Variants in EYS observed in about 807,000 individuals in gnomAD.
EYS encodes EGF-like photoreceptor maintenance factor.
A neutral mutation model predicts 282.1 loss-of-function variants in EYS; 250 were observed. That is an observed-to-expected ratio of 0.89 (90% CI 0.80 to 0.98). The LOEUF (loss-of-function observed/expected upper bound fraction) is 0.98. Among genes scored for constraint, EYS ranks in the 50% least tolerant of loss-of-function variants. The pLI, the probability that EYS is intolerant of heterozygous loss-of-function variation, is 0.00. For synonymous variants in EYS, 1,355 were observed against 1,282.9 expected, an observed-to-expected ratio of 1.06 and a Z score of -1.20; for missense variants, 4,016 against 3,709.0, an observed-to-expected ratio of 1.08 and a Z score of -2.15.
rs541033588 is a variant in EYS, at chr6:65,460,625, A to G, written c.862+29969T>C. The stretch of plus-strand genomic sequence containing the variant: ...TCATGCTGACGTAGAGCCAAAAGCC[A>G]GCTTTAGTTTACTCAGCCTTCCTTT... On this transcript the variant is annotated intron_variant, in intron 5 of 42. Coordinates refer to ENST00000503581, the MANE Select transcript of EYS (RefSeq NM_001142800.2). 5.6e-4 allele frequency among the ~76,000 whole-genome samples: 85 copies of G among 152,234 alleles called. 1 individual carries two copies. Among genetic ancestry groups the G allele is most frequent in the Middle Eastern group, 3.4e-3 (1 of 294 alleles).
chr6:64,374,301 A>G (rs1257082698), intron 29 of EYS, among the ~76,000 whole-genome samples: 4 of 152,032 alleles, frequency 2.6e-5, no homozygotes, highest in African/African-American at 9.6e-5. Context: ...GGTCTATGGC[A>G]CCAGTGCTGG....
At chr6:65,250,399 C>T (rs1767290814) in intron 12 of EYS, among the ~76,000 whole-genome samples, 2 of 152,016 alleles carry the variant, frequency 1.3e-5, no homozygotes, top group South Asian at 2.1e-4. Context: ...GAGACACTAT[C>T]AGTTGGTATT....
intron 36 of EYS, among the ~76,000 whole-genome samples, chr6:63,825,565 C>T (rs971536115): frequency 6.6e-6 from 1 of 152,186 alleles, no homozygotes; most frequent in African/African-American, 2.4e-5. Flanking sequence ...GTTCACATTA[C>T]AGGAATCTAT....
intron 35 of EYS, among the ~76,000 whole-genome samples, chr6:63,913,323 T>C (rs1417058346): frequency 6.6e-6 from 1 of 152,242 alleles, no homozygotes; most frequent in Non-Finnish European, 1.5e-5. Flanking sequence ...TATAAATATA[T>C]GTGCTAACAA....
intron 22 of EYS, among the ~76,000 whole-genome samples, chr6:64,723,228 C>T (rs1451821985): frequency 6.6e-6 from 1 of 152,172 alleles, no homozygotes; most frequent in Non-Finnish European, 1.5e-5. Flanking sequence ...GTGAAACATT[C>T]CTTGTCATTA....
At chr6:65,135,347 T>C (rs181107859) in intron 12 of EYS, among the ~76,000 whole-genome samples, 111 of 152,148 alleles carry the variant, frequency 7.3e-4, no homozygotes, top group Non-Finnish European at 1.9e-4. Context: ...TTACTTTTTA[T>C]TGAAAAAAAA....
chr6:64,585,081 G>A (rs528721481), intron 26 of EYS, among the ~76,000 whole-genome samples: 4 of 152,232 alleles, frequency 2.6e-5, no homozygotes, highest in African/African-American at 9.6e-5. Flanking sequence ...CCAGGTGTCA[G>A]TCAATGATGG....
chr6:64,248,459 A>G (rs1003955817), intron 30 of EYS, among the ~76,000 whole-genome samples: 3 of 152,166 alleles, frequency 2.0e-5, no homozygotes, highest in African/African-American at 7.2e-5. Flanking sequence ...GTAAAAAAGT[A>G]AAGAGATTTA....
At chr6:63,784,615 G>T (rs1037220573) in intron 39 of EYS, among the ~76,000 whole-genome samples, 1 of 151,918 alleles carries the variant, frequency 6.6e-6, no homozygotes, top group East Asian at 1.9e-4. Context: ...GTGAAGGGGG[G>T]TGATACACAC....
At chr6:65,630,868 T>C (rs776911638) in intron 2 of EYS, among the ~76,000 whole-genome samples, 40 of 152,192 alleles carry the variant, frequency 2.6e-4, no homozygotes, top group Admixed American at 1.7e-3. Flanking sequence ...ACTTACTGAA[T>C]GCAAAAGAAC....
chr6:65,149,685 T>A (rs976874007), intron 12 of EYS, among the ~76,000 whole-genome samples: 1 of 150,924 alleles, frequency 6.6e-6, no homozygotes, highest in Non-Finnish European at 1.5e-5. Context: ...CTTTTCCACA[T>A]GTTTCTGTCT....
At chr6:65,488,613 T>G (rs1765904918) in intron 5 of EYS, among the ~76,000 whole-genome samples, 1 of 152,010 alleles carries the variant, frequency 6.6e-6, no homozygotes, top group Non-Finnish European at 1.5e-5. Flanking sequence ...CTTCACAGAA[T>G]TGGAAAAATC....
intron 41 of EYS, among the ~76,000 whole-genome samples, chr6:63,738,228 C>T (rs1314277300): frequency 6.6e-6 from 1 of 152,092 alleles, no homozygotes; most frequent in East Asian, 1.9e-4. Context: ...CCAGCCATGC[C>T]ATTACTGGGT....
intron 35 of EYS, among the ~76,000 whole-genome samples, chr6:63,871,180 A>G (rs1472965319): frequency 6.6e-6 from 1 of 152,226 alleles, no homozygotes; most frequent in African/African-American, 2.4e-5. Flanking sequence ...AGCATAGAGT[A>G]TAAGTAGATC....
chr6:64,120,199 AC>A (rs1435415563), intron 31 of EYS, among the ~76,000 whole-genome samples: 1 of 149,810 alleles, frequency 6.7e-6, no homozygotes, highest in African/African-American at 2.5e-5. Context: ...AAAAAAAATT[AC>A]AAAAAATTAG....
intron 1 of EYS, among the ~76,000 whole-genome samples, chr6:65,690,455 A>T (rs113600627): frequency 0.014 from 2,126 of 149,782 alleles, 102 homozygotes; most frequent in Non-Finnish European, 0.019. Context: ...AGAGCTATGA[A>T]CATCTGCTTT....
chr6:64,273,571 CTAAGT>C (rs1395768674), intron 30 of EYS, among the ~76,000 whole-genome samples: 1 of 151,886 alleles, frequency 6.6e-6, no homozygotes, highest in Non-Finnish European at 1.5e-5. Context: ...GACTACTATC[CTAAGT>C]TAAGTGGACA....
chr6:64,582,415 C>G (rs1766099460), intron 26 of EYS, among the ~76,000 whole-genome samples: 1 of 152,050 alleles, frequency 6.6e-6, no homozygotes, highest in Non-Finnish European at 1.5e-5. Context: ...CCCTAGCCCC[C>G]CATGGAAAAA....
At chr6:64,742,201 G>A (rs1583103547) in intron 22 of EYS, among the ~76,000 whole-genome samples, 1 of 138,378 alleles carries the variant, frequency 7.2e-6, no homozygotes, top group African/African-American at 2.5e-5. Flanking sequence ...ACCAAATAGA[G>A]AGATTTGAGG....
Sources: allele counts gnomAD v4.1 joint callset (sites outside exome capture counted in the v4.1 genomes callset), GRCh38; gene constraint gnomAD v4.1.1; transcripts MANE v1.5; gene names NCBI Gene and HGNC (gene_info 2026-07-23, HGNC 2026-07-21).